PBX1: variants seen among roughly 807,000 people sequenced by gnomAD.
The protein encoded by PBX1 is PBX homeobox 1.
Under a neutral mutation model 53.4 loss-of-function variants are expected in PBX1, and 6 were observed. The ratio of observed to expected loss-of-function variants is 0.11; its 90% CI spans 0.06 to 0.22. The LOEUF is 0.22. Ranked by LOEUF, PBX1 falls within the 10% of genes least tolerant of loss-of-function variation. The pLI is 1.00. For synonymous variants in PBX1, 204 were observed against 212.3 expected (o/e 0.96, Z 0.34); for missense variants, 251 against 551.4 (o/e 0.46, Z 5.46).
chr1:164,836,898 G>A (rs1571503089), intron 8 of PBX1, among the ~76,000 whole-genome samples: 1 of 152,192 alleles, frequency 6.6e-6, no homozygotes, highest in Admixed American at 6.5e-5. Flanking sequence ...GGCTGCCAAC[G>A]GAGCCTTTGT....
rs1036222834 is a variant in PBX1 at position 164,658,375 on chromosome 1, C to T, written c.265+95064C>T. Among the ~76,000 whole-genome samples the T allele has an allele frequency of 2.6e-5, 4 of 152,076 alleles. No homozygotes were observed. In the East Asian group the frequency reaches 7.7e-4, roughly 29 times the overall value. ...AAAACTGCTTTTTATCTGCTGTGGT[C>T]GTAGGGATTTCTGGCAATTTCAGTT... On this transcript the variant is annotated intron_variant, in intron 2 of 8. Coordinates refer to ENST00000420696, the MANE Select transcript of PBX1 (RefSeq NM_002585.4).
chr1:164,752,026 A>G (rs7556163), intron 2 of PBX1, among the ~76,000 whole-genome samples: 65,788 of 151,856 alleles, frequency 0.43, 15,087 homozygotes, highest in South Asian at 0.71. Context: ...AGCCCAAAAG[A>G]TTTGAGAAAC....
At chr1:164,817,686 A>T (rs1228013640) in intron 6 of PBX1, 3 of 152,234 alleles carry the variant, frequency 2.0e-5, no homozygotes, top group African/African-American at 7.2e-5. Flanking sequence ...GTATTTTTTA[A>T]ATCACCTGTG....
chr1:164,825,121 G>T (rs903455413), intron 8 of PBX1, among the ~76,000 whole-genome samples: 5 of 152,070 alleles, frequency 3.3e-5, no homozygotes, highest in African/African-American at 9.7e-5. Context: ...AGTATGGCCA[G>T]CTCATCTTTA....
intron 2 of PBX1, among the ~76,000 whole-genome samples, chr1:164,870,407 C>G (rs1037160863): frequency 6.6e-6 from 1 of 150,618 alleles, no homozygotes; most frequent in Admixed American, 6.7e-5. Flanking sequence ...TGCAGTGGCA[C>G]GATCTTAGCT....
intron 2 of PBX1, among the ~76,000 whole-genome samples, chr1:164,756,155 A>G (rs929424222): frequency 6.6e-6 from 1 of 152,134 alleles, no homozygotes; most frequent in African/African-American, 2.4e-5. Context: ...GATTATTTGC[A>G]CTGTAGCTTT....
At chr1:164,626,795 T>C (rs1019783586) in intron 2 of PBX1, among the ~76,000 whole-genome samples, 6 of 152,176 alleles carry the variant, frequency 3.9e-5, no homozygotes, top group Admixed American at 3.9e-4. Context: ...ATGACCACTT[T>C]CAGGGCCTCA....
intron 2 of PBX1, among the ~76,000 whole-genome samples, chr1:164,753,974 G>A (rs1666361853): frequency 6.6e-6 from 1 of 152,128 alleles, no homozygotes; most frequent in South Asian, 2.1e-4. Context: ...GAAGGGGTCA[G>A]TACTCTTTGT....
intron 2 of PBX1, among the ~76,000 whole-genome samples, chr1:164,586,375 G>A (rs554709547): frequency 6.6e-6 from 1 of 152,276 alleles, no homozygotes; most frequent in South Asian, 2.1e-4. Flanking sequence ...TTCAATAAAT[G>A]CATGCTTTCC....
At chr1:164,700,349 C>A in intron 2 of PBX1, 1 of 587,864 alleles carries the variant, frequency 1.7e-6, no homozygotes, top group Non-Finnish European at 2.1e-6. Flanking sequence ...GCCAGGATTG[C>A]TGGGTTATGG....
chr1:164,656,540 A>G (rs544732272), intron 2 of PBX1, among the ~76,000 whole-genome samples: 3 of 152,282 alleles, frequency 2.0e-5, no homozygotes, highest in East Asian at 1.9e-4. Context: ...AAACATATCT[A>G]TTCCTTTCGT....
intron 2 of PBX1, among the ~76,000 whole-genome samples, chr1:164,763,637 T>C (rs1431964404): frequency 1.3e-5 from 2 of 152,252 alleles, no homozygotes; most frequent in African/African-American, 4.8e-5. Flanking sequence ...CTAGATCTGA[T>C]TTGGAACATA....
intron 2 of PBX1, among the ~76,000 whole-genome samples, chr1:164,688,991 C>T (rs1030130828): frequency 2.6e-5 from 4 of 152,232 alleles, no homozygotes; most frequent in Non-Finnish European, 4.4e-5. Flanking sequence ...AGGGTGGCGT[C>T]GCGCCTCCCC....
chr1:164,589,696 A>G (rs936049381), intron 2 of PBX1, among the ~76,000 whole-genome samples: 2 of 152,130 alleles, frequency 1.3e-5, no homozygotes, highest in Admixed American at 6.5e-5. Context: ...TGGAGGAGAT[A>G]TTATCCACCT....
chr1:164,674,071 C>T (rs1291549970), intron 2 of PBX1, among the ~76,000 whole-genome samples: 1 of 152,182 alleles, frequency 6.6e-6, no homozygotes, highest in Non-Finnish European at 1.5e-5. Context: ...GAGCCAGTTC[C>T]CCGTCCAGCT....
chr1:164,819,002 G>T (rs1670012339), intron 6 of PBX1: 1 of 152,216 alleles, frequency 6.6e-6, no homozygotes, highest in African/African-American at 2.4e-5. Context: ...GCAATATAGG[G>T]TTGGAAATAA....
chr1:164,617,985 A>G (rs1657395223), intron 2 of PBX1, among the ~76,000 whole-genome samples: 1 of 152,100 alleles, frequency 6.6e-6, no homozygotes, highest in South Asian at 2.1e-4. Flanking sequence ...AGGGATTAGA[A>G]CCCAGATCTC....
intron 2 of PBX1, among the ~76,000 whole-genome samples, chr1:164,858,062 T>C (rs7518622): frequency 0.5 from 75,269 of 151,828 alleles, 18,889 homozygotes; most frequent in Middle Eastern, 0.53. Context: ...GTATATTTTC[T>C]TTCTTTTATA....
chr1:164,716,657 G>T (rs1435190062), intron 2 of PBX1, among the ~76,000 whole-genome samples: 2 of 138,864 alleles, frequency 1.4e-5, no homozygotes, highest in Non-Finnish European at 3.1e-5. Context: ...TTTGAGACCA[G>T]CCTGGGCAAC....
Sources: allele counts gnomAD v4.1 joint callset (sites outside exome capture counted in the v4.1 genomes callset), GRCh38; gene constraint gnomAD v4.1.1; transcripts MANE v1.5; gene names NCBI Gene and HGNC (gene_info 2026-07-23, HGNC 2026-07-21).